Variants in NEB observed in about 807,000 individuals in gnomAD.
NEB encodes nemaline myopathy type 2.
A neutral mutation model predicts 952.2 loss-of-function variants in NEB; 512 were observed. The ratio of observed to expected loss-of-function variants is 0.54; its 90% CI spans 0.50 to 0.58. The LOEUF is 0.58. NEB is among the 20% of genes least tolerant of loss of function. The probability of loss-of-function intolerance (pLI) is 0.00; values close to 1 mark genes in which losing one functional copy is unlikely to be tolerated. For missense variants in NEB, 8,428 were observed against 9,231.1 expected (o/e 0.91, Z 3.56); for synonymous variants, 2,900 against 3,149.8 (o/e 0.92, Z 2.66).
intron 71 of NEB, among the ~76,000 whole-genome samples, chr2:151,623,953 A>G (rs936631682): frequency 8.5e-5 from 13 of 152,170 alleles, no homozygotes; most frequent in African/African-American, 2.7e-4. Flanking sequence ...TTTAGCTATC[A>G]TCAGGGATGT....
At chr2:151,500,264 C>T (rs2063429137) in intron 168 of NEB, among the ~76,000 whole-genome samples, 1 of 152,040 alleles carries the variant, frequency 6.6e-6, no homozygotes, top group South Asian at 2.1e-4. Context: ...AAGAATCAAA[C>T]TTTTAGAATA....
chr2:151,513,730 A>C, intron 159 of NEB, 37 bp from the exon 160 acceptor site: 1 of 1,352,134 alleles, frequency 7.4e-7, no homozygotes, highest in Non-Finnish European at 1.0e-6. Context: ...AAGGTACCTA[A>C]ATGCTACTAC....
rs377183242 is a variant in NEB at position 151,568,624 on chromosome 2, G to A, written c.17628C>T (p.Leu5876=). Residue 5876 remains leucine (L), a synonymous_variant, in exon 111 of 182, where the codon CTC becomes CTT. Transcript: ENST00000397345. ...AAAACAGCCATATACTTACATCATC[G>A]AGGATCTCGCCACTTTGTTTCGCTG... The part of the protein sequence containing the change: ...YVTAKQSGEI[L]DDIKYRKDWN... The A allele has an allele frequency of 6.6e-5, 106 of 1,604,764 alleles. 1 individual carries two copies. The highest frequency in any genetic ancestry group is 8.0e-5 in the African/African-American group (6 of 74,824).
chr2:151,563,557 A>G (rs2096218268), intron 119 of NEB, 49 bp downstream of exon 119: 4 of 1,487,814 alleles, frequency 2.7e-6, no homozygotes, highest in Non-Finnish European at 3.8e-6. Context: ...CAGACACGGC[A>G]GCACACTTAT....
intron 11 of NEB, among the ~76,000 whole-genome samples, chr2:151,710,099 A>G (rs7563441): frequency 0.69 from 105,141 of 152,208 alleles, 39,530 homozygotes; most frequent in Non-Finnish European, 0.83. Context: ...AATCAATTTC[A>G]TAACTGTACA....
chr2:151,638,875 C>T (rs2098810713), intron 63 of NEB, among the ~76,000 whole-genome samples: 1 of 151,312 alleles, frequency 6.6e-6, no homozygotes, highest in African/African-American at 2.4e-5. Context: ...TAGTTCTTGC[C>T]TTTAATCTTA....
At chr2:151,673,437 A>T (rs1202094994) in intron 36 of NEB, among the ~76,000 whole-genome samples, 1 of 130,974 alleles carries the variant, frequency 7.6e-6, no homozygotes, top group Non-Finnish European at 1.6e-5. Flanking sequence ...TGTAAGTGCT[A>T]AAAAAAAAAA....
chr2:151,563,951 G>A (rs1375095432), intron 117 of NEB, 21 bp from the exon 118 acceptor site: 1 of 1,541,076 alleles, frequency 6.5e-7, no homozygotes, highest in Non-Finnish European at 8.8e-7. Flanking sequence ...GAAATACATG[G>A]CAACAAAAGT....
chr2:151,547,536 A>G lies in NEB; in HGVS notation c.20263-3T>C. The G allele has an allele frequency of 2.5e-6, 4 of 1,599,668 alleles. No homozygotes were observed. Among genetic ancestry groups the G allele is most frequent in the South Asian group, 2.2e-5 (2 of 88,956 alleles). On this transcript the variant is annotated splice_region_variant and splice_polypyrimidine_tract_variant and intron_variant, in intron 132 of 181. Transcript: ENST00000397345. ...AAGAAGTCTGATTTGTAGATCAACTAAAGAAAAAAAAATACCCCAAAACAT... is the reference window on the plus strand; with the variant it reads ...AAGAAGTCTGATTTGTAGATCAACTGAAGAAAAAAAAATACCCCAAAACAT...
chr2:151,658,265 CTA>C (rs2099108416), intron 47 of NEB, among the ~76,000 whole-genome samples, 175 bp from the exon 48 acceptor site: 1 of 151,780 alleles, frequency 6.6e-6, no homozygotes, highest in Non-Finnish European at 1.5e-5. Context: ...GAAAAACAAT[CTA>C]TAACAAACTT....
chr2:151,650,341 T>A lies in NEB; in HGVS notation c.7266A>T (p.Ile2422=). 1 of 1,613,942 alleles carries A rather than the reference T, an allele frequency of 6.2e-7. No homozygotes were observed. Among genetic ancestry groups the A allele is most frequent in the Admixed American group, 1.7e-5 (1 of 60,000 alleles). Residue 2422 remains isoleucine, a synonymous_variant, in exon 54 of 182, where the codon ATA becomes ATT. Coordinates refer to ENST00000397345, the MANE Select transcript of NEB (RefSeq NM_001164508.2). Reference sequence around the variant, plus strand: ...CTAAAGAACCCAAGGGACTCCATCCTATGCCTCTCAGCCACTCAAGGTCAG... The same window carrying A: ...CTAAAGAACCCAAGGGACTCCATCCAATGCCTCTCAGCCACTCAAGGTCAG... ...YKSDLEWLRG[I]GWSPLGSLEA...
chr2:151,655,156 G>T, intron 51 of NEB, 114 bp downstream of exon 51: 2 of 629,646 alleles, frequency 3.2e-6, no homozygotes, highest in Non-Finnish European at 5.2e-6. Context: ...TAATCAGTGT[G>T]TCATTTCCAA....
Position 151,639,997 on chromosome 2 carries a change from C to T in NEB, c.8749G>A (p.Asp2917Asn). Residue 2917 changes from aspartate (D) to asparagine (N), a missense_variant, in exon 62 of 182, where the codon GAT (aspartate) becomes AAT (asparagine). By Grantham distance (23) the Asp-to-Asn change is conservative (BLOSUM62 1). Around this residue, in one of 11 missense-constraint regions of NEB, gnomAD observed 1,772 missense variants for 1,960.3 expected, o/e 0.90. Coordinates refer to ENST00000397345, the MANE Select transcript of NEB (RefSeq NM_001164508.2). ...GTTGCCCTTTTGCATTTTTCCACAT[C>T]CAAAGAGCCAATGGACACCCAGCCA... Reference protein sequence around the residue: ...GIGWVSIGSLDVEKCKRATEI... With the variant: ...GIGWVSIGSLNVEKCKRATEI... 6.2e-7 allele frequency: 1 copy of T among 1,613,948 alleles called. No individual in the cohort carries two copies. The highest frequency in any genetic ancestry group is 8.5e-7 in the Non-Finnish European group (1 of 1,179,860).
chr2:151,503,144 A>G lies in NEB; in HGVS notation c.23835+205T>C, dbSNP rs114950505. 732 of 594,130 alleles carry G rather than the reference A, an allele frequency of 1.2e-3. 3 individuals are homozygous for G. The highest frequency in any genetic ancestry group is 0.012 in the African/African-American group (634 of 53,514). 36.8% of individuals were successfully genotyped at this position (594,130 alleles called of 1,614,324 possible). On this transcript the variant is annotated intron_variant, in intron 166 of 181. Coordinates refer to ENST00000397345, the MANE Select transcript of NEB (RefSeq NM_001164508.2). ...GTTAATTCTACTTATAGTATTTCAAATCTAGTCAAGTCACTGAAAATGTTC... is the reference window on the plus strand; with the variant it reads ...GTTAATTCTACTTATAGTATTTCAAGTCTAGTCAAGTCACTGAAAATGTTC...
chr2:151,565,133 T>C lies in NEB; in HGVS notation c.18382A>G (p.Thr6128Ala). Residue 6128 changes from threonine to alanine, a missense_variant, in exon 117 of 182, where the codon ACA becomes GCA. Coordinates refer to ENST00000397345, the MANE Select transcript of NEB (RefSeq NM_001164508.2). ...VNQSDVKYKE[T>A]FNKAKGKYTF... ...TATTTGCCCTTTGCTTTATTAAATGTTTCTTTATATTTTACCTAAGGAGAG... is the reference window on the plus strand; with the variant it reads ...TATTTGCCCTTTGCTTTATTAAATGCTTCTTTATATTTTACCTAAGGAGAG... 6.4e-7 allele frequency: 1 copy of C among 1,556,454 alleles called. No individual in the cohort carries two copies. The highest frequency in any genetic ancestry group is 8.8e-7 in the Non-Finnish European group (1 of 1,137,328).
Position 151,512,787 on chromosome 2 carries a change from C to T in NEB, c.23292G>A (p.Val7764=), listed in dbSNP as rs2075493233. 6.2e-7 allele frequency: 1 copy of T among 1,613,728 alleles called. No homozygotes were observed. Among genetic ancestry groups the T allele is most frequent in the Admixed American group, 1.7e-5 (1 of 60,010 alleles). Reference sequence around the variant, plus strand: ...CATGAATGATCTCTGGAGTATCAACCACAGAAGTGAAATTGGCTTTCTCCA... The same window carrying T: ...CATGAATGATCTCTGGAGTATCAACTACAGAAGTGAAATTGGCTTTCTCCA... ...AEMEKANFTS[V]VDTPEIIHAQ... is the part of the protein sequence containing the mutation. The change falls in exon 161 of 182, where the codon GTG becomes GTA. Residue 7764 remains valine, a synonymous_variant. Coordinates refer to ENST00000397345, the MANE Select transcript of NEB (RefSeq NM_001164508.2).
intron 35 of NEB, among the ~76,000 whole-genome samples, chr2:151,674,858 G>A (rs1367596292): frequency 1.3e-5 from 2 of 152,200 alleles, no homozygotes; most frequent in Non-Finnish European, 2.9e-5. Context: ...GGAAACCATG[G>A]TATGTGAGGA....
At chr2:151,720,802 C>T (rs188962186) in intron 9 of NEB, among the ~76,000 whole-genome samples, 3 of 152,304 alleles carry the variant, frequency 2.0e-5, no homozygotes, top group Admixed American at 2.0e-4. Flanking sequence ...CAAAACTCTG[C>T]CCTTGGCCAT....
At chr2:151,662,464 A>T in intron 45 of NEB, 123 bp from the exon 46 acceptor site, 1 of 823,726 alleles carries the variant, frequency 1.2e-6, no homozygotes, top group South Asian at 3.2e-5. Flanking sequence ...TTCCACTTCA[A>T]TATTTGCTTG....
Sources: gnomAD v4.1 joint callset for allele counts (sites outside exome capture counted in the v4.1 genomes callset) on GRCh38, gnomAD v4.1.1 for gene constraint, gnomAD v4.1.1 regional missense constraint, MANE v1.5 for transcripts, NCBI Gene and HGNC (gene_info 2026-07-23, HGNC 2026-07-21) for gene names.